The following PDE11A variants were observed in gnomAD, a reference collection of about 807,000 sequenced individuals.
PDE11A encodes the protein phosphodiesterase 11A.
A neutral mutation model predicts 100.5 loss-of-function variants in PDE11A; 100 were observed. The observed-to-expected ratio is 1.00, with a 90% CI of 0.85 to 1.18. PDE11A has a LOEUF of 1.18. Ranked by LOEUF, PDE11A falls within the 50% of genes most tolerant of loss-of-function variation. The probability of loss-of-function intolerance (pLI) is 0.00; values close to 1 mark genes in which losing one functional copy is unlikely to be tolerated. For missense variants in PDE11A, 1,141 were observed against 1,152.6 expected (o/e 0.99, Z 0.15); for synonymous variants, 381 against 420.8 (o/e 0.91, Z 1.16).
intron 1 of PDE11A, among the ~76,000 whole-genome samples, chr2:178,034,441 C>T (rs1015273709): frequency 6.6e-6 from 1 of 152,134 alleles, no homozygotes; most frequent in Non-Finnish European, 1.5e-5. Context: ...CTTTAACACC[C>T]CACTGTCAAT....
intron 12 of PDE11A, among the ~76,000 whole-genome samples, chr2:177,718,586 G>C (rs1486083074): frequency 1.3e-5 from 2 of 152,130 alleles, no homozygotes; most frequent in Non-Finnish European, 1.5e-5. Flanking sequence ...TATAAGTGAG[G>C]TTTGGAGAGA....
intron 13 of PDE11A, among the ~76,000 whole-genome samples, chr2:177,701,819 C>T (rs766840815): frequency 2.0e-5 from 3 of 152,184 alleles, no homozygotes; most frequent in Non-Finnish European, 4.4e-5. Flanking sequence ...AGTCCATAGT[C>T]ACACTGTGAT....
At chr2:178,057,032 A>G (rs745882884) in intron 1 of PDE11A, among the ~76,000 whole-genome samples, 1 of 152,110 alleles carries the variant, frequency 6.6e-6, no homozygotes, top group Non-Finnish European at 1.5e-5. Flanking sequence ...GAGAGGAAAC[A>G]CAGAAAGACT....
intron 4 of PDE11A, among the ~76,000 whole-genome samples, chr2:177,885,365 T>C (rs946413763): frequency 3.3e-5 from 5 of 152,154 alleles, no homozygotes; most frequent in African/African-American, 1.2e-4. Flanking sequence ...AAGGCTGACC[T>C]TTCATATCTG....
At chr2:178,025,570 G>C (rs1434624370) in intron 1 of PDE11A, among the ~76,000 whole-genome samples, 1 of 151,866 alleles carries the variant, frequency 6.6e-6, no homozygotes, top group Non-Finnish European at 1.5e-5. Flanking sequence ...AAATCTCAAG[G>C]CAAAATACAC....
chr2:178,025,430 T>C (rs948136781), intron 1 of PDE11A, among the ~76,000 whole-genome samples: 1 of 152,204 alleles, frequency 6.6e-6, no homozygotes, highest in Admixed American at 6.5e-5. Flanking sequence ...TTTAGTCACG[T>C]TGCTAAAGTA....
chr2:177,852,215 G>A (rs562587629), intron 5 of PDE11A, among the ~76,000 whole-genome samples: 2 of 152,252 alleles, frequency 1.3e-5, no homozygotes, highest in East Asian at 3.9e-4. Context: ...GGGTGGGACT[G>A]AAAGTTTCAA....
intron 5 of PDE11A, among the ~76,000 whole-genome samples, chr2:177,867,769 A>G (rs1331937964): frequency 6.6e-6 from 1 of 152,250 alleles, no homozygotes; most frequent in Non-Finnish European, 1.5e-5. Context: ...GGGTACAATC[A>G]TAGTACACTC....
chr2:178,072,155 C>A lies in PDE11A; in HGVS notation c.283G>T (p.Gly95Trp). 6.2e-7 allele frequency: 1 copy of A among 1,613,942 alleles called. No individual in the cohort carries two copies. The highest frequency in any genetic ancestry group is 1.1e-5 in the South Asian group (1 of 91,070). The change falls in exon 1 of 20, where the codon GGG (glycine) becomes TGG (tryptophan). Residue 95 changes from glycine to tryptophan, a missense_variant. By Grantham distance (184) the Gly-to-Trp change is radical. Coordinates refer to ENST00000286063, the MANE Select transcript of PDE11A (RefSeq NM_016953.4). ...QPLPGGGDCGGVPLSPSWAGG... is the reference protein window; with the variant it reads ...QPLPGGGDCGWVPLSPSWAGG... Reference sequence around the variant, plus strand: ...GCCCAGCTGGGACTCAAGGGAACCCCACCACAGTCCCCGCCACCGGGAAGG... The same window carrying A: ...GCCCAGCTGGGACTCAAGGGAACCCAACCACAGTCCCCGCCACCGGGAAGG...
At chr2:177,871,143 T>C (rs1224044178) in intron 5 of PDE11A, among the ~76,000 whole-genome samples, 1 of 152,166 alleles carries the variant, frequency 6.6e-6, no homozygotes, top group East Asian at 1.9e-4. Context: ...ACCTTTTCTT[T>C]TGTGCATCCC....
chr2:178,068,568 G>T (rs1288268826), intron 1 of PDE11A, among the ~76,000 whole-genome samples: 1 of 151,926 alleles, frequency 6.6e-6, no homozygotes, highest in East Asian at 1.9e-4. Flanking sequence ...GTCTGAAGCT[G>T]AGCAAGAAAC....
intron 2 of PDE11A, among the ~76,000 whole-genome samples, chr2:177,992,174 C>G (rs2086012981): frequency 6.6e-6 from 1 of 151,216 alleles, no homozygotes; most frequent in African/African-American, 2.4e-5. Flanking sequence ...TTTCATTATC[C>G]ATATTAAGTG....
intron 4 of PDE11A, among the ~76,000 whole-genome samples, chr2:177,880,738 G>A (rs2084318037): frequency 6.6e-6 from 1 of 152,020 alleles, no homozygotes; most frequent in Admixed American, 6.6e-5. Context: ...GTCTTTAGAA[G>A]AAAAATGAAG....
intron 2 of PDE11A, among the ~76,000 whole-genome samples, chr2:177,909,988 G>A (rs1377230023): frequency 6.6e-6 from 1 of 152,070 alleles, no homozygotes; most frequent in African/African-American, 2.4e-5. Flanking sequence ...GTTTCTTTTA[G>A]GTCTTCTTTA....
intron 10 of PDE11A, among the ~76,000 whole-genome samples, chr2:177,756,457 G>A (rs539572253): frequency 1.3e-5 from 2 of 152,196 alleles, no homozygotes; most frequent in Non-Finnish European, 2.9e-5. Flanking sequence ...AATCTTTTCT[G>A]TTGGTGGTGA....
chr2:177,708,270 C>T (rs1360100570), intron 13 of PDE11A, among the ~76,000 whole-genome samples: 1 of 152,164 alleles, frequency 6.6e-6, no homozygotes, highest in African/African-American at 2.4e-5. Flanking sequence ...GGTATATATA[C>T]ACCCTGGAAC....
chr2:177,771,983 C>T (rs935952665), intron 9 of PDE11A, among the ~76,000 whole-genome samples: 3 of 151,180 alleles, frequency 2.0e-5, no homozygotes, highest in African/African-American at 7.4e-5. Flanking sequence ...GTCTGGGTGA[C>T]AGAGTGAGAC....
At chr2:177,951,126 T>C (rs572287174) in intron 2 of PDE11A, among the ~76,000 whole-genome samples, 1 of 152,336 alleles carries the variant, frequency 6.6e-6, no homozygotes, top group African/African-American at 2.4e-5. Flanking sequence ...GAGCTAAGTG[T>C]AAACAAGTGT....
At chr2:177,721,487 T>C (rs988666444) in intron 12 of PDE11A, among the ~76,000 whole-genome samples, 1 of 151,766 alleles carries the variant, frequency 6.6e-6, no homozygotes, top group Non-Finnish European at 1.5e-5. Flanking sequence ...AAAGTGGAGG[T>C]TTCTACATCA....
Sources: allele counts gnomAD v4.1 joint callset (sites outside exome capture counted in the v4.1 genomes callset), GRCh38; gene constraint gnomAD v4.1.1; transcripts MANE v1.5; gene names NCBI Gene and HGNC (gene_info 2026-07-23, HGNC 2026-07-21).